The following MDM2 variants were observed in gnomAD, a reference collection of about 807,000 sequenced individuals.
MDM2 encodes MDM2 proto-oncogene.
A neutral mutation model predicts 64.3 loss-of-function variants in MDM2; 11 were observed. The ratio of observed to expected loss-of-function variants is 0.17; its 90% CI spans 0.11 to 0.28. The LOEUF is 0.28. Ranked by LOEUF, MDM2 falls within the 10% of genes least tolerant of loss-of-function variation. MDM2 has a pLI of 1.00. For synonymous variants in MDM2, 194 were observed against 192.9 expected, an observed-to-expected ratio of 1.01 and a Z score of -0.05; for missense variants, 388 against 577.1, an observed-to-expected ratio of 0.67 and a Z score of 3.36.
intron 3 of MDM2, chr12:68,815,511 T>C (rs1203332103): frequency 1.2e-5 from 2 of 164,116 alleles, no homozygotes; most frequent in African/African-American, 2.5e-5. Context: ...GCATGATCAC[T>C]GCTCGCTGCA....
intron 8 of MDM2, 74 bp downstream of exon 8, chr12:68,829,005 C>T (rs574327808): frequency 4.8e-5 from 67 of 1,410,478 alleles, no homozygotes; most frequent in South Asian, 4.7e-4. Context: ...AATAAGGATA[C>T]GGATAGAATG....
chr12:68,839,365 C>A lies in MDM2; in HGVS notation c.1010C>A (p.Pro337His). 1.2e-6 allele frequency: 2 copies of A among 1,613,800 alleles called. No homozygotes were observed. Among genetic ancestry groups the A allele is most frequent in the Non-Finnish European group, 1.7e-6 (2 of 1,179,992 alleles). The part of the protein sequence containing the change: ...RCWALRENWL[P>H]EDKGKDKGEI... ...TGGGCCCTTCGTGAGAATTGGCTTC[C>A]TGAAGATAAAGGGAAAGATAAAGGG... The change falls in exon 11 of 11, where the codon CCT (proline) becomes CAT (histidine). Residue 337 changes from proline to histidine, a missense_variant. Physicochemically the swap from Pro to His is moderately conservative, Grantham distance 77. Coordinates refer to ENST00000258149, the MANE Select transcript of MDM2 (RefSeq NM_002392.6).
At chr12:68,817,056 A>C (rs773070021) in intron 4 of MDM2, 111 bp downstream of exon 4, 29 of 1,269,466 alleles carry the variant, frequency 2.3e-5, no homozygotes, top group Non-Finnish European at 2.9e-5. Context: ...TATTAAAGAC[A>C]TGCTGAAACT....
Position 68,839,366 on chromosome 12 carries a change from T to G in MDM2, c.1011T>G (p.Pro337=). ...GGGCCCTTCGTGAGAATTGGCTTCC[T>G]GAAGATAAAGGGAAAGATAAAGGGG... ...RCWALRENWL[P]EDKGKDKGEI... Residue 337 remains proline (P), a synonymous_variant, in exon 11 of 11, where the codon CCT becomes CCG. Coordinates refer to ENST00000258149, the MANE Select transcript of MDM2 (RefSeq NM_002392.6). 1 of 1,613,888 alleles carries G rather than the reference T, an allele frequency of 6.2e-7. No individual in the cohort carries two copies. Among genetic ancestry groups the G allele is most frequent in the Non-Finnish European group, 8.5e-7 (1 of 1,180,008 alleles).
At chr12:68,836,206 C>T (rs999557031) in intron 9 of MDM2, among the ~76,000 whole-genome samples, 4 of 151,958 alleles carry the variant, frequency 2.6e-5, no homozygotes, top group Admixed American at 1.3e-4. Context: ...AGTCAATAGA[C>T]CTCAATGAAC....
chr12:68,816,768 C>T, intron 3 of MDM2, 44 bp from the exon 4 acceptor site: 1 of 1,498,248 alleles, frequency 6.7e-7, no homozygotes, highest in African/African-American at 1.4e-5. Context: ...TTACAACTAA[C>T]ATTTAGTTTT....
chr12:68,847,479 AGTCCC>A (rs1353822043), downstream of MDM2: 1 of 43,958 alleles, frequency 2.3e-5, no homozygotes, highest in Non-Finnish European at 4.0e-5. Context: ...TTTGAGACGG[AGTCCC>A]GCTGTTTAGC....
chr12:68,839,384 T>A lies in MDM2; in HGVS notation c.1029T>A (p.Asp343Glu). The A allele has an allele frequency of 6.2e-7, 1 of 1,613,798 alleles. No individual in the cohort carries two copies. The highest frequency in any genetic ancestry group is 8.5e-7 in the Non-Finnish European group (1 of 1,179,982). Reference protein sequence around the residue: ...ENWLPEDKGKDKGEISEKAKL... With the variant: ...ENWLPEDKGKEKGEISEKAKL... ...GGCTTCCTGAAGATAAAGGGAAAGA[T>A]AAAGGGGAAATCTCTGAGAAAGCCA... is the stretch of plus-strand genomic sequence containing the variant. Residue 343 changes from aspartate (D) to glutamate (E), a missense_variant, in exon 11 of 11, where the codon GAT becomes GAA. This residue lies in a region of MDM2 where 138 missense variants were observed against 143.7 expected (regional missense o/e 0.96). Transcript: ENST00000258149.
intron 4 of MDM2, among the ~76,000 whole-genome samples, chr12:68,817,321 T>C (rs2088669568): frequency 6.6e-6 from 1 of 152,236 alleles, no homozygotes; most frequent in Non-Finnish European, 1.5e-5. Context: ...CTGTAGCTAT[T>C]ATAACTTTTT....
At chr12:68,809,589 T>G (rs960337181) in intron 2 of MDM2, among the ~76,000 whole-genome samples, 13 of 150,440 alleles carry the variant, frequency 8.6e-5, no homozygotes, top group Admixed American at 8.6e-4. Flanking sequence ...CTCCCAGTAT[T>G]TAATTTTTAA....
chr12:68,832,091 C>T (rs558704965), intron 8 of MDM2, among the ~76,000 whole-genome samples: 6 of 152,178 alleles, frequency 3.9e-5, no homozygotes, highest in East Asian at 3.9e-4. Context: ...AACAAAATCT[C>T]GTTTTTCAGG....
At chr12:68,824,693 G>C (rs1264931504) in intron 7 of MDM2, 42 bp downstream of exon 7, 3 of 1,277,988 alleles carry the variant, frequency 2.3e-6, no homozygotes, top group Non-Finnish European at 3.3e-6. Context: ...ACAGCTTTTT[G>C]ATATTCTTTC....
At chr12:68,835,112 C>T (rs3730634) in intron 8 of MDM2, among the ~76,000 whole-genome samples, 2,390 of 152,094 alleles carry the variant, frequency 0.016, 16 homozygotes, top group Non-Finnish European at 0.023. Flanking sequence ...GTGTATTCTA[C>T]CAATTTGGAC....
rs1882665272 is a variant in MDM2, at chr12:68,829,982, CA to C, written c.684+1052del. Among the ~76,000 whole-genome samples the C allele has an allele frequency of 9.2e-5, 14 of 152,284 alleles. No homozygotes were observed. The South Asian group carries it at 2.9e-3, about 32-fold the overall frequency. Reference sequence around the variant, plus strand: ...TGTCTTTAATCAAGCTTGTCCAACCCATGGCCTGTGGGCCATATGCCAGGAT... The same window carrying C: ...TGTCTTTAATCAAGCTTGTCCAACCCTGGCCTGTGGGCCATATGCCAGGAT... On this transcript the variant is annotated intron_variant, in intron 8 of 10. Coordinates refer to ENST00000258149, the MANE Select transcript of MDM2 (RefSeq NM_002392.6).
At position 68,836,658 on chromosome 12, in the gene MDM2, A is replaced by T; in HGVS notation, c.841-14A>T. The T allele has an allele frequency of 6.4e-7, 1 of 1,574,562 alleles. No individual in the cohort carries two copies. Among genetic ancestry groups the T allele is most frequent in the African/African-American group, 1.3e-5 (1 of 74,172 alleles). Reference sequence around the variant, plus strand: ...TAGGGCGATGAATTGATGCTAATGAATGTGTTTTATTAGGTATATCAAGTT... The same window carrying T: ...TAGGGCGATGAATTGATGCTAATGATTGTGTTTTATTAGGTATATCAAGTT... On this transcript the variant is annotated splice_polypyrimidine_tract_variant and intron_variant, in intron 9 of 10. Coordinates refer to ENST00000258149, the MANE Select transcript of MDM2 (RefSeq NM_002392.6).
chr12:68,808,310 C>T lies in MDM2; in HGVS notation c.-168C>T. On this transcript the variant is annotated 5_prime_UTR_variant, in exon 1 of 11. Coordinates refer to ENST00000258149, the MANE Select transcript of MDM2 (RefSeq NM_002392.6). Reference sequence around the variant, plus strand: ...CCTCTGACCGAGATCCTGCTGCTTTCGCAGCCAGGAGCACCGTCCCTCCCC... The same window carrying T: ...CCTCTGACCGAGATCCTGCTGCTTTTGCAGCCAGGAGCACCGTCCCTCCCC... 1 of 820,668 alleles carries T rather than the reference C, an allele frequency of 1.2e-6. No homozygotes were observed. Among genetic ancestry groups the T allele is most frequent in the Non-Finnish European group, 1.9e-6 (1 of 515,106 alleles). 50.8% of individuals were successfully genotyped at this position (820,668 alleles called of 1,614,324 possible).
intron 3 of MDM2, chr12:68,815,592 C>A: frequency 2.5e-6 from 1 of 400,872 alleles, no homozygotes; most frequent in South Asian, 1.8e-5. Context: ...CAGGCTTGTA[C>A]CACTATGCCT....
rs748474309 is a variant in MDM2 at position 68,808,467 on chromosome 12, G to A, written c.-11G>A. 1.9e-6 allele frequency: 3 copies of A among 1,614,110 alleles called. No individual in the cohort carries two copies. Among genetic ancestry groups the A allele is most frequent in the Non-Finnish European group, 2.5e-6 (3 of 1,180,008 alleles). ...TTGAGGGACCCCCGACTCCAAGCGC[G>A]AAAACCCCGGATGGTGAGGAGCAGG... On this transcript the variant is annotated 5_prime_UTR_variant, in exon 1 of 11. Coordinates refer to ENST00000258149, the MANE Select transcript of MDM2 (RefSeq NM_002392.6).
chr12:68,847,196 T>TTACATATATATATATATATATATA (rs1884366207), downstream of MDM2: 1 of 92,080 alleles, frequency 1.1e-5, no homozygotes, highest in Non-Finnish European at 2.1e-5. Flanking sequence ...TGTGTGTACA[T>TTACATATATATATATATATATATA]TATATATATA....
Sources: allele counts gnomAD v4.1 joint callset (sites outside exome capture counted in the v4.1 genomes callset), GRCh38; gene constraint gnomAD v4.1.1; regional missense constraint gnomAD v4.1.1; transcripts MANE v1.5; gene names NCBI Gene and HGNC (gene_info 2026-07-23, HGNC 2026-07-21).